Variants in TSPAN10 observed in about 807,000 individuals in gnomAD.
TSPAN10 encodes tetraspanin-10.
Under a neutral mutation model 15.0 loss-of-function variants are expected in TSPAN10, and 11 were observed. The observed-to-expected ratio is 0.73, with a 90% CI of 0.46 to 1.21. TSPAN10 has a LOEUF of 1.21. Among genes scored for constraint, TSPAN10 ranks in the 50% most tolerant of loss-of-function variants. The probability of loss-of-function intolerance (pLI) is 0.00; values close to 1 mark genes in which losing one functional copy is unlikely to be tolerated. For missense variants in TSPAN10, 486 were observed against 470.6 expected, an observed-to-expected ratio of 1.03 and a Z score of -0.30; for synonymous variants, 241 against 226.2, an observed-to-expected ratio of 1.07 and a Z score of -0.59.
upstream of TSPAN10, chr17:81,638,731 G>A (rs1013192467): frequency 2.0e-5 from 3 of 152,146 alleles, no homozygotes; most frequent in Non-Finnish European, 4.4e-5. Context: ...CCTGGGTGGG[G>A]GCCACAAGAT....
intron 2 of TSPAN10, 46 bp from the exon 4 acceptor site, chr17:81,647,855 G>A: frequency 1.3e-6 from 2 of 1,566,254 alleles, no homozygotes; most frequent in Non-Finnish European, 8.6e-7. Context: ...GGTCCCAGAA[G>A]AGCGGGCCCT....
At chr17:81,638,029 ACAT>A (rs2036130313), upstream of TSPAN10, 1 of 151,074 alleles carries the variant, frequency 6.6e-6, no homozygotes, top group African/African-American at 2.4e-5. Context: ...ATATTTCACA[ACAT>A]CACAATTACT....
At chr17:81,644,100 C>T (rs1480328445) in intron 1 of TSPAN10, among the ~76,000 whole-genome samples, 1 of 151,724 alleles carries the variant, frequency 6.6e-6, no homozygotes, top group Non-Finnish European at 1.5e-5. Context: ...CCACCCACCT[C>T]AGCCTCCCAA....
At chr17:81,641,615 G>C (rs1265112924), upstream of TSPAN10, among the ~76,000 whole-genome samples, 1 of 107,076 alleles carries the variant, frequency 9.3e-6, no homozygotes, top group East Asian at 0.014. Flanking sequence ...TCTTTGGACT[G>C]CTGAGTGTTG....
At chr17:81,647,702 A>G in intron 2 of TSPAN10, 199 bp from the exon 4 acceptor site, 1 of 650,708 alleles carries the variant, frequency 1.5e-6, no homozygotes. Context: ...TGCCGTGCAC[A>G]GGGATACGTT....
upstream of TSPAN10, chr17:81,637,476 A>G: frequency 2.9e-6 from 2 of 682,072 alleles, no homozygotes; most frequent in Middle Eastern, 2.3e-4. Context: ...TATTTTTTAA[A>G]TTTAACATAA....
chr17:81,638,246 A>T (rs1008318260), upstream of TSPAN10: 1 of 151,932 alleles, frequency 6.6e-6, no homozygotes, highest in Non-Finnish European at 1.5e-5. Context: ...TTTTATTACT[A>T]CTCAAAAAAA....
chr17:81,640,547 C>A (rs1291013565), upstream of TSPAN10, among the ~76,000 whole-genome samples: 1 of 152,102 alleles, frequency 6.6e-6, no homozygotes. Flanking sequence ...CTCCTGGGTC[C>A]CAGCAATTCC....
chr17:81,647,790 G>C, intron 2 of TSPAN10, 111 bp from the exon 4 acceptor site: 1 of 1,173,512 alleles, frequency 8.5e-7, no homozygotes, highest in Non-Finnish European at 1.2e-6. Flanking sequence ...GTGTGCATGT[G>C]CCTGTGTGGC....
At chr17:81,647,633 A>C in intron 2 of TSPAN10, 1 of 657,692 alleles carries the variant, frequency 1.5e-6, no homozygotes, top group Non-Finnish European at 2.8e-6. Context: ...CAACCGTCTC[A>C]CTAAATATCC....
chr17:81,645,651 G>T, intron 2 of TSPAN10, 22 bp downstream of exon 3: 1 of 1,609,794 alleles, frequency 6.2e-7, no homozygotes. Flanking sequence ...AGTGGGCGAG[G>T]GACAGGGCCA....
chr17:81,642,552 T>C (rs2036188703), intron 1 of TSPAN10, 104 bp downstream of exon 2: 2 of 1,191,496 alleles, frequency 1.7e-6, no homozygotes, highest in East Asian at 4.8e-5. Context: ...CTGCCCCTGG[T>C]GCCACCCCAC....
At chr17:81,642,190 G>C (rs2036184309), upstream of TSPAN10, 1 of 521,926 alleles carries the variant, frequency 1.9e-6, no homozygotes, top group Non-Finnish European at 3.5e-6. Flanking sequence ...ATCTCCACAA[G>C]CAGAGGCCTC....
chr17:81,643,981 AG>A (rs2036208211), intron 1 of TSPAN10, among the ~76,000 whole-genome samples: 1 of 149,968 alleles, frequency 6.7e-6, no homozygotes, highest in Admixed American at 6.6e-5. Flanking sequence ...CTGGGATTAC[AG>A]GTGTGTGCCA....
chr17:81,645,506 A>G, exon 2 of TSPAN10: 1 of 1,586,042 alleles, frequency 6.3e-7, no homozygotes, highest in South Asian at 1.1e-5. Flanking sequence ...AGCCTGGAGC[A>G]CACCCTGCGT....
downstream of TSPAN10, chr17:81,648,548 A>C: frequency 1.0e-5 from 3 of 298,078 alleles, no homozygotes; most frequent in Non-Finnish European, 1.8e-5. Context: ...CCTGAAGCTG[A>C]CCCTCACCTC....
At chr17:81,648,258 C>T (rs1378202405) in exon 3 of TSPAN10, 4 of 1,216,116 alleles carry the variant, frequency 3.3e-6, no homozygotes, top group Non-Finnish European at 4.1e-6. Flanking sequence ...GCCCCAGCCC[C>T]GGCGCCCCGC....
exon 2 of TSPAN10, chr17:81,645,245 T>G: frequency 6.5e-7 from 1 of 1,535,922 alleles, no homozygotes. Context: ...GCCCTGGCCA[T>G]CGGGCTCTGG....
At chr17:81,647,493 C>T (rs1255531633) in intron 2 of TSPAN10, 3 of 480,954 alleles carry the variant, frequency 6.2e-6, no homozygotes, top group African/African-American at 5.9e-5. Context: ...CCCAGTAAGA[C>T]CTGTGGACCA....
Sources: allele counts gnomAD v4.1 joint callset (sites outside exome capture counted in the v4.1 genomes callset), GRCh38; gene constraint gnomAD v4.1.1; transcripts MANE v1.5; gene names NCBI Gene and HGNC (gene_info 2026-07-23, HGNC 2026-07-21).